Variants in SOX6 observed in about 807,000 individuals in gnomAD.
The protein encoded by SOX6 is transcription factor SOX-6.
Under a neutral mutation model 97.8 loss-of-function variants are expected in SOX6, and 11 were observed. The observed-to-expected ratio is 0.11, with a 90% CI of 0.07 to 0.19. The LOEUF (loss-of-function observed/expected upper bound fraction) is 0.19, where lower values mean the gene tolerates loss of function less well. SOX6 is among the 10% of genes least tolerant of loss of function. The pLI is 1.00. For missense variants in SOX6, 810 were observed against 1,039.5 expected (o/e 0.78, Z 3.04); for synonymous variants, 360 against 371.4 (o/e 0.97, Z 0.35).
intron 3 of SOX6, among the ~76,000 whole-genome samples, chr11:16,687,260 T>C (rs1174596977): frequency 1.3e-5 from 2 of 152,176 alleles, no homozygotes; most frequent in Non-Finnish European, 2.9e-5. Context: ...AGGGAGATTT[T>C]ACTCATGGCA....
At chr11:16,392,310 A>G (rs1858210122) in intron 1 of SOX6, among the ~76,000 whole-genome samples, 1 of 152,152 alleles carries the variant, frequency 6.6e-6, no homozygotes, top group South Asian at 2.1e-4. Context: ...TTCAATAATT[A>G]TTAATTCAAC....
chr11:16,370,438 T>C (rs914018076), intron 1 of SOX6, among the ~76,000 whole-genome samples: 2 of 152,140 alleles, frequency 1.3e-5, no homozygotes, highest in Middle Eastern at 3.2e-3. Context: ...TTTTGTCCCT[T>C]AGAATTTATA....
At chr11:16,152,880 T>A (rs894248263) in intron 6 of SOX6, among the ~76,000 whole-genome samples, 25 of 152,104 alleles carry the variant, frequency 1.6e-4, no homozygotes, top group African/African-American at 5.6e-4. Context: ...TTTTGTTTGT[T>A]TGTTTGAAAT....
chr11:16,439,046 A>G (rs1859447006), intron 1 of SOX6, among the ~76,000 whole-genome samples: 1 of 152,206 alleles, frequency 6.6e-6, no homozygotes, highest in African/African-American at 2.4e-5. Context: ...GAGAGTTTTC[A>G]TCATTTTCTT....
chr11:16,690,016 T>C (rs1590053403), intron 3 of SOX6, among the ~76,000 whole-genome samples: 1 of 151,336 alleles, frequency 6.6e-6, no homozygotes, highest in East Asian at 2.0e-4. Flanking sequence ...CCTCCGCCTC[T>C]CGGGTTCAAG....
intron 1 of SOX6, among the ~76,000 whole-genome samples, chr11:16,418,400 A>T: frequency 6.6e-6 from 1 of 152,210 alleles, no homozygotes; most frequent in East Asian, 1.9e-4. Flanking sequence ...TTATCCTGAG[A>T]ACATGGGACT....
At chr11:16,137,124 G>C (rs1210718085) in intron 6 of SOX6, among the ~76,000 whole-genome samples, 2 of 152,126 alleles carry the variant, frequency 1.3e-5, no homozygotes, top group African/African-American at 4.8e-5. Flanking sequence ...ATTGTACAAA[G>C]TGTTTGTGTT....
At chr11:16,384,906 C>T (rs1857933996) in intron 1 of SOX6, among the ~76,000 whole-genome samples, 2 of 151,928 alleles carry the variant, frequency 1.3e-5, no homozygotes, top group Admixed American at 1.3e-4. Context: ...AGAGAAAATG[C>T]CAGAGAGCTA....
At chr11:16,214,836 G>A (rs536699818) in intron 4 of SOX6, among the ~76,000 whole-genome samples, 17 of 143,522 alleles carry the variant, frequency 1.2e-4, no homozygotes, top group Admixed American at 8.9e-4. Flanking sequence ...TGCAACCTCC[G>A]CCCCCTGGGT....
chr11:16,568,288 A>G (rs895042073), intron 4 of SOX6, among the ~76,000 whole-genome samples: 1 of 152,216 alleles, frequency 6.6e-6, no homozygotes, highest in Admixed American at 6.5e-5. Flanking sequence ...GATGTGCTAT[A>G]AAATATTAAT....
At position 15,972,938 on chromosome 11, in the gene SOX6, G is replaced by A. The variant is rs571433845; in HGVS notation, c.2358C>T (p.Gly786=). Residue 786 remains glycine, a synonymous_variant, in exon 16 of 16, where the codon GGC becomes GGT. Coordinates refer to ENST00000683767, the MANE Select transcript of SOX6 (RefSeq NM_001367873.1). ...IQSTYGMKTD[G]GSLAGNEMIN... ...TCATTTCATTTCCAGCTAGGCTTCC[G>A]CCATCTGTCTTCATACCATAAGTGC... 1.5e-5 allele frequency: 24 copies of A among 1,613,980 alleles called. No individual in the cohort carries two copies. The highest frequency in any genetic ancestry group is 2.2e-5 in the East Asian group (1 of 44,896).
intron 3 of SOX6, among the ~76,000 whole-genome samples, chr11:16,245,669 C>A (rs1017332882): frequency 1.3e-5 from 2 of 151,512 alleles, no homozygotes; most frequent in Non-Finnish European, 3.0e-5. Context: ...GTTAATTGAA[C>A]CTTTAATCAT....
chr11:16,152,858 C>A (rs1256539434), intron 6 of SOX6, among the ~76,000 whole-genome samples: 1 of 151,938 alleles, frequency 6.6e-6, no homozygotes, highest in East Asian at 1.9e-4. Context: ...TGTGTGCCAC[C>A]AAGCCCTAAT....
intron 3 of SOX6, among the ~76,000 whole-genome samples, chr11:16,678,918 G>A (rs1462588742): frequency 6.6e-6 from 1 of 152,190 alleles, no homozygotes; most frequent in South Asian, 2.1e-4. Context: ...CGCCATTGCT[G>A]AGGCTTCAGT....
intron 9 of SOX6, among the ~76,000 whole-genome samples, chr11:16,071,412 G>A (rs760562166): frequency 5.9e-5 from 9 of 152,174 alleles, no homozygotes; most frequent in Non-Finnish European, 1.3e-4. Flanking sequence ...GAAGTGCCCA[G>A]AAGGCAGGGT....
chr11:16,384,822 C>T lies in SOX6; in HGVS notation c.-4-43570G>A, dbSNP rs1025556072. Among the ~76,000 whole-genome samples the T allele has an allele frequency of 5.3e-5, 8 of 152,064 alleles. No homozygotes were observed. In the East Asian group the frequency reaches 9.7e-4, roughly 18 times the overall value. On this transcript the variant is annotated intron_variant, in intron 1 of 15. Coordinates refer to the SOX6 transcript ENST00000396356. Reference sequence around the variant, plus strand: ...TTAAATATCAGAAAAGAACATACTGCTTTTTATTTCTTTCTGACCTGTAGT... The same window carrying T: ...TTAAATATCAGAAAAGAACATACTGTTTTTTATTTCTTTCTGACCTGTAGT...
At chr11:16,617,938 T>C (rs10741704) in intron 3 of SOX6, among the ~76,000 whole-genome samples, 151,041 of 151,932 alleles carry the variant, frequency 0.99, 75,087 homozygotes, top group East Asian at 1. Context: ...TTTCTGTTCT[T>C]GAGAGATAGG....
At position 16,706,465 on chromosome 11, in the gene SOX6, A is replaced by AT. The variant is rs1848133685; in HGVS notation, n.429+8364_429+8365insA. Among the ~76,000 whole-genome samples the AT allele has an allele frequency of 2.1e-4, 5 of 23,886 alleles. 1 individual carries two copies. The highest frequency in any genetic ancestry group is 4.1e-4 in the Non-Finnish European group (5 of 12,084). The allele number at this position is 23,886 out of a possible 152,430, so 15.7% of individuals were successfully genotyped here. A position where few individuals can be genotyped will look rare whatever the true frequency, so the allele number is the denominator to read the frequency against. ...AACCTATCACAAAAAAAAAAAAAAA[A>AT]AAAAAAATATATATATATATATATA... is the stretch of plus-strand genomic sequence containing the variant. On this transcript the variant is annotated intron_variant and non_coding_transcript_variant, in intron 3 of 5. Coordinates refer to the SOX6 transcript ENST00000524520.
At chr11:16,523,732 C>A (rs1392194110) in intron 4 of SOX6, among the ~76,000 whole-genome samples, 1 of 152,022 alleles carries the variant, frequency 6.6e-6, no homozygotes, top group Admixed American at 6.6e-5. Context: ...TGATAGACCA[C>A]TAGCAAGACT....
Sources: gnomAD v4.1 joint callset for allele counts (sites outside exome capture counted in the v4.1 genomes callset) on GRCh38, gnomAD v4.1.1 for gene constraint, MANE v1.5 for transcripts, NCBI Gene and HGNC (gene_info 2026-07-23, HGNC 2026-07-21) for gene names.